ROBO2: variants seen among roughly 807,000 people sequenced by gnomAD.
The protein encoded by ROBO2 is roundabout guidance receptor 2, also known as roundabout homolog 2.
ROBO2 carries 53 observed loss-of-function variants against 160.8 expected under a neutral mutation model. The observed-to-expected ratio is 0.33, with a 90% confidence interval of 0.26 to 0.41. ROBO2 has a LOEUF of 0.41. Among genes scored for constraint, ROBO2 ranks in the 10% least tolerant of loss-of-function variants. ROBO2 has a pLI of 1.00. For missense variants in ROBO2, 1,577 were observed against 1,722.4 expected (o/e 0.92, Z 1.49); for synonymous variants, 664 against 611.7 (o/e 1.09, Z -1.26).
At chr3:76,640,587 T>G (rs55894750) in intron 2 of ROBO2, among the ~76,000 whole-genome samples, 13,977 of 55,010 alleles carry the variant, frequency 0.25, 743 homozygotes, top group East Asian at 0.42. Flanking sequence ...CAATGCGTGT[T>G]TGCGTGTGAG....
chr3:76,963,173 A>T (rs2079797651), intron 2 of ROBO2, among the ~76,000 whole-genome samples: 1 of 152,276 alleles, frequency 6.6e-6, no homozygotes, highest in African/African-American at 2.4e-5. Flanking sequence ...TTTGTATATT[A>T]TCTAAAATGT....
At chr3:76,345,954 A>G (rs937551642) in intron 2 of ROBO2, among the ~76,000 whole-genome samples, 7 of 151,934 alleles carry the variant, frequency 4.6e-5, no homozygotes, top group African/African-American at 1.4e-4. Context: ...TTTTATTCCC[A>G]ACTGATCTCG....
At chr3:76,222,796 C>T (rs1704052810) in intron 2 of ROBO2, among the ~76,000 whole-genome samples, 2 of 151,938 alleles carry the variant, frequency 1.3e-5, no homozygotes, top group African/African-American at 4.8e-5. Context: ...CTTCTGTCGC[C>T]CACGCTGGGG....
intron 2 of ROBO2, among the ~76,000 whole-genome samples, chr3:76,976,295 T>A (rs1448506578): frequency 6.6e-6 from 1 of 152,192 alleles, no homozygotes; most frequent in Admixed American, 6.5e-5. Context: ...TACCCCATAG[T>A]TAGGTCATTG....
upstream of ROBO2, among the ~76,000 whole-genome samples, chr3:77,036,074 T>C (rs2063617435): frequency 6.6e-6 from 1 of 151,942 alleles, no homozygotes; most frequent in Admixed American, 6.6e-5. Context: ...GTGGTAGATG[T>C]CTTAAATCAA....
At position 76,446,615 on chromosome 3, in the gene ROBO2, G is replaced by A. The variant is rs551404501; in HGVS notation, c.109+509013G>A. Reference sequence around the variant, plus strand: ...CTAAGCCAAAAGAACAAAGCTGGAGGCATCACACTACCTGACTTCAAACTA... The same window carrying A: ...CTAAGCCAAAAGAACAAAGCTGGAGACATCACACTACCTGACTTCAAACTA... On this transcript the variant is annotated intron_variant, in intron 2 of 26. Coordinates refer to the ROBO2 transcript ENST00000487694. 2.6e-5 allele frequency among the ~76,000 whole-genome samples: 4 copies of A among 152,264 alleles called. No individual in the cohort carries two copies. In the East Asian group the frequency reaches 7.7e-4, roughly 29 times the overall value.
chr3:77,052,429 G>C (rs1255449680), intron 1 of ROBO2, among the ~76,000 whole-genome samples: 1 of 152,152 alleles, frequency 6.6e-6, no homozygotes, highest in Non-Finnish European at 1.5e-5. Context: ...GCCCTACTCA[G>C]TGAATAGCAT....
chr3:76,583,181 G>C (rs927487849), intron 2 of ROBO2, among the ~76,000 whole-genome samples: 3 of 152,168 alleles, frequency 2.0e-5, no homozygotes, highest in Non-Finnish European at 4.4e-5. Context: ...ACATGGATTT[G>C]AGAATTCCCT....
At chr3:76,319,914 T>C (rs901777054) in intron 2 of ROBO2, among the ~76,000 whole-genome samples, 2 of 152,052 alleles carry the variant, frequency 1.3e-5, no homozygotes, top group Non-Finnish European at 2.9e-5. Context: ...CATGGTGATA[T>C]GGTCTAGGAA....
At chr3:77,366,623 T>G (rs1312584167) in intron 2 of ROBO2, among the ~76,000 whole-genome samples, 1 of 152,076 alleles carries the variant, frequency 6.6e-6, no homozygotes, top group Non-Finnish European at 1.5e-5. Context: ...ATAAAAAAAT[T>G]TGATTTGGCT....
intron 2 of ROBO2, among the ~76,000 whole-genome samples, chr3:77,431,261 G>T (rs2078743002): frequency 6.6e-6 from 1 of 152,142 alleles, no homozygotes; most frequent in Non-Finnish European, 1.5e-5. Flanking sequence ...GATTTGATTA[G>T]ATATGGGAGT....
intron 2 of ROBO2, among the ~76,000 whole-genome samples, chr3:76,792,360 A>C (rs1369652774): frequency 6.6e-6 from 1 of 151,800 alleles, no homozygotes; most frequent in African/African-American, 2.4e-5. Context: ...AGCATCCCCT[A>C]ATTTTGGTAT....
intron 2 of ROBO2, among the ~76,000 whole-genome samples, chr3:77,447,291 T>C (rs867001351): frequency 3.9e-5 from 6 of 152,102 alleles, no homozygotes; most frequent in African/African-American, 1.4e-4. Flanking sequence ...CAACTTACTA[T>C]AGTAAGAAAC....
intron 2 of ROBO2, among the ~76,000 whole-genome samples, chr3:76,886,409 C>A (rs919827268): frequency 9.5e-4 from 139 of 147,014 alleles, no homozygotes; most frequent in African/African-American, 3.4e-3. Flanking sequence ...AAAAAAAAAA[C>A]AACCTTTCTG....
intron 2 of ROBO2, among the ~76,000 whole-genome samples, chr3:77,460,698 G>A (rs2082150168): frequency 6.6e-6 from 1 of 151,936 alleles, no homozygotes; most frequent in South Asian, 2.1e-4. Context: ...AGGAATTCAG[G>A]GGAGAATAAA....
chr3:76,544,279 G>C (rs1273268305), intron 2 of ROBO2, among the ~76,000 whole-genome samples: 1 of 151,928 alleles, frequency 6.6e-6, no homozygotes, highest in Non-Finnish European at 1.5e-5. Context: ...ATGTTCATAA[G>C]ACCCTAATGT....
At chr3:77,482,054 C>T (rs2084761357) in intron 4 of ROBO2, among the ~76,000 whole-genome samples, 1 of 152,148 alleles carries the variant, frequency 6.6e-6, no homozygotes, top group Non-Finnish European at 1.5e-5. Context: ...TCTGTATAGA[C>T]ATACACATTT....
intron 2 of ROBO2, among the ~76,000 whole-genome samples, chr3:76,975,470 A>G (rs963004354): frequency 6.6e-6 from 1 of 152,062 alleles, no homozygotes; most frequent in Non-Finnish European, 1.5e-5. Flanking sequence ...GCGCCATTGC[A>G]CTCCAGTCTG....
At chr3:77,430,907 T>C (rs2078702786) in intron 2 of ROBO2, among the ~76,000 whole-genome samples, 1 of 152,212 alleles carries the variant, frequency 6.6e-6, no homozygotes, top group Non-Finnish European at 1.5e-5. Context: ...CTTTTGTGCC[T>C]GTATCTCATC....
Sources: allele counts gnomAD v4.1 joint callset (sites outside exome capture counted in the v4.1 genomes callset), GRCh38; gene constraint gnomAD v4.1.1; transcripts MANE v1.5; gene names NCBI Gene and HGNC (gene_info 2026-07-23, HGNC 2026-07-21).